The following RGS17 variants were observed in gnomAD, a reference collection of about 807,000 sequenced individuals.
The protein encoded by RGS17 is regulator of G protein signaling 17, also known as regulator of G-protein signaling 17.
RGS17 carries 12 observed loss-of-function variants against 25.5 expected under a neutral mutation model. That is an observed-to-expected ratio of 0.47 (90% CI 0.30 to 0.76). The LOEUF (loss-of-function observed/expected upper bound fraction) is 0.76. RGS17 is among the 30% of genes least tolerant of loss of function. RGS17 has a pLI of 0.07. For missense variants in RGS17, 196 were observed against 242.2 expected (o/e 0.81, Z 1.27); for synonymous variants, 71 against 76.9 (o/e 0.92, Z 0.40).
chr6:153,079,324 C>T (rs1240669592), intron 1 of RGS17, among the ~76,000 whole-genome samples: 6 of 152,062 alleles, frequency 3.9e-5, no homozygotes, highest in South Asian at 2.1e-4. Flanking sequence ...GTGATCTGCC[C>T]GCTTCTGCCT....
chr6:153,038,999 T>C (rs1168469144), intron 2 of RGS17, among the ~76,000 whole-genome samples: 1 of 152,160 alleles, frequency 6.6e-6, no homozygotes, highest in Non-Finnish European at 1.5e-5. Context: ...GGCTAGTTAA[T>C]TTACTAAATT....
At chr6:153,077,138 C>T (rs1776894310) in intron 1 of RGS17, among the ~76,000 whole-genome samples, 1 of 152,156 alleles carries the variant, frequency 6.6e-6, no homozygotes, top group Admixed American at 6.5e-5. Context: ...ACTTGAATAT[C>T]ACCAAATTTC....
intron 1 of RGS17, 49 bp downstream of exon 1, chr6:153,131,075 T>G (rs1237155078): frequency 6.6e-6 from 1 of 151,870 alleles, no homozygotes; most frequent in Non-Finnish European, 1.5e-5. Context: ...AAAGCAGACA[T>G]TTTGATGTCA....
intron 4 of RGS17, chr6:153,023,453 T>C: frequency 2.3e-6 from 1 of 427,064 alleles, no homozygotes. Context: ...TCCAAGGGCC[T>C]GGCCACATTA....
In RGS17 at chr6:153,005,303, A is replaced by G. The variant is rs1779063360; in HGVS notation, c.*6271T>C. ...CCTCTATTAGGTGAATATTCAGGCTAAGACTTCTGGAGTTTTATTTTTCCA... is the reference window on the plus strand; with the variant it reads ...CCTCTATTAGGTGAATATTCAGGCTGAGACTTCTGGAGTTTTATTTTTCCA... On this transcript the variant is annotated 3_prime_UTR_variant, in exon 5 of 5. Transcript: ENST00000206262. The G allele has an allele frequency of 1.3e-5, 2 of 152,192 alleles. No homozygotes were observed. Among genetic ancestry groups the G allele is most frequent in the African/African-American group, 2.4e-5 (1 of 41,448 alleles). 9.4% of individuals were successfully genotyped at this position (152,192 alleles called of 1,614,324 possible). A position where few individuals can be genotyped will look rare whatever the true frequency, so the allele number is the denominator to read the frequency against.
rs77529869 is a variant in RGS17, at chr6:153,029,067, G to A, written c.120-2524C>T. The stretch of plus-strand genomic sequence containing the variant: ...GCTACCATATTAGAGCGATCATTAC[G>A]AAATATTAGGTTGAGTTTACATCTT... On this transcript the variant is annotated intron_variant, in intron 2 of 4. Coordinates refer to ENST00000206262, the MANE Select transcript of RGS17 (RefSeq NM_012419.5). 6.5e-4 allele frequency among the ~76,000 whole-genome samples: 99 copies of A among 152,258 alleles called. No homozygotes were observed. In the East Asian group the frequency reaches 0.017, roughly 26 times the overall value.
intron 1 of RGS17, among the ~76,000 whole-genome samples, chr6:153,066,141 C>T (rs1450932575): frequency 6.6e-6 from 1 of 152,106 alleles, no homozygotes; most frequent in African/African-American, 2.4e-5. Flanking sequence ...TTAGAGGCTA[C>T]TATGAGTAAC....
At chr6:153,076,336 A>G (rs983048665) in intron 1 of RGS17, among the ~76,000 whole-genome samples, 10 of 152,146 alleles carry the variant, frequency 6.6e-5, no homozygotes, top group South Asian at 2.1e-4. Flanking sequence ...TTATCAACAT[A>G]AGAGAAAAGA....
intron 1 of RGS17, among the ~76,000 whole-genome samples, chr6:153,060,991 G>A (rs1020185411): frequency 1.3e-5 from 2 of 152,174 alleles, no homozygotes; most frequent in African/African-American, 4.8e-5. Context: ...AGGAGAATGA[G>A]AAGGCATCTT....
At chr6:153,124,953 ACAGGCTCC>A (rs1777684257) in intron 1 of RGS17, among the ~76,000 whole-genome samples, 1 of 152,196 alleles carries the variant, frequency 6.6e-6, no homozygotes, top group African/African-American at 2.4e-5. Flanking sequence ...CACCAAAATA[ACAGGCTCC>A]CACCTTTCAT....
At chr6:153,129,400 C>T (rs1777751218) in intron 1 of RGS17, among the ~76,000 whole-genome samples, 1 of 152,234 alleles carries the variant, frequency 6.6e-6, no homozygotes, top group South Asian at 2.1e-4. Context: ...ATAATACTCT[C>T]ACTACAGAAG....
intron 2 of RGS17, among the ~76,000 whole-genome samples, chr6:153,031,606 T>C (rs959022846): frequency 1.3e-5 from 2 of 152,212 alleles, no homozygotes; most frequent in African/African-American, 4.8e-5. Context: ...GGATTGGAAT[T>C]CCCATCTTCT....
At chr6:153,084,360 G>T (rs1237145244) in intron 1 of RGS17, among the ~76,000 whole-genome samples, 3 of 152,126 alleles carry the variant, frequency 2.0e-5, no homozygotes, top group Non-Finnish European at 2.9e-5. Context: ...TTCTAGAGTG[G>T]ATTCTAAAAC....
chr6:153,020,107 A>ATATATATATATATATAT lies in RGS17; in HGVS notation c.444+4154_444+4155insATATATATATATATATA, dbSNP rs1205305073. Among the ~76,000 whole-genome samples, 10 of 47,846 alleles carry ATATATATATATATATAT rather than the reference A, an allele frequency of 2.1e-4. No individual in the cohort carries two copies. The East Asian group carries it at 2.8e-3, about 13-fold the overall frequency. The allele number at this position is 47,846 out of a possible 152,430, so 31.4% of individuals were successfully genotyped here. ...TCCTAATTGCAAATATCTTAAAAAA[A>ATATATATATATATATAT]AAAAATATATATATATATATATATA... is the stretch of plus-strand genomic sequence containing the variant. On this transcript the variant is annotated intron_variant, in intron 4 of 4. Coordinates refer to ENST00000206262, the MANE Select transcript of RGS17 (RefSeq NM_012419.5).
intron 1 of RGS17, among the ~76,000 whole-genome samples, chr6:153,072,149 G>T (rs1776813119): frequency 6.6e-6 from 1 of 152,110 alleles, no homozygotes; most frequent in South Asian, 2.1e-4. Context: ...AGTTAATGAT[G>T]ATTATTTGTC....
intron 1 of RGS17, among the ~76,000 whole-genome samples, chr6:153,120,027 G>C (rs748616785): frequency 6.6e-5 from 10 of 152,134 alleles, no homozygotes; most frequent in Non-Finnish European, 1.3e-4. Flanking sequence ...ATTTTGTTTT[G>C]TAAGTGAATT....
intron 1 of RGS17, among the ~76,000 whole-genome samples, chr6:153,101,304 A>C (rs1031500383): frequency 6.6e-6 from 1 of 152,162 alleles, no homozygotes; most frequent in Non-Finnish European, 1.5e-5. Flanking sequence ...ACAGGATGCA[A>C]AACTGCATAG....
intron 1 of RGS17, among the ~76,000 whole-genome samples, chr6:153,096,547 T>C (rs570248366): frequency 6.6e-6 from 1 of 152,226 alleles, no homozygotes; most frequent in Non-Finnish European, 1.5e-5. Context: ...CCTTTTCACT[T>C]TTCTGTAACA....
At chr6:153,123,073 A>T (rs1178045178) in intron 1 of RGS17, among the ~76,000 whole-genome samples, 1 of 151,896 alleles carries the variant, frequency 6.6e-6, no homozygotes, top group African/African-American at 2.4e-5. Context: ...ACTCCAATTC[A>T]CAACACGGCA....
Sources: allele counts gnomAD v4.1 joint callset (sites outside exome capture counted in the v4.1 genomes callset), GRCh38; gene constraint gnomAD v4.1.1; transcripts MANE v1.5; gene names NCBI Gene and HGNC (gene_info 2026-07-23, HGNC 2026-07-21).